Variants in PTPRG observed in about 807,000 individuals in gnomAD.
PTPRG encodes receptor-type tyrosine-protein phosphatase gamma.
Under a neutral mutation model 165.3 loss-of-function variants are expected in PTPRG, and 102 were observed. That is an observed-to-expected ratio of 0.62 (90% confidence interval 0.53 to 0.73). The LOEUF (loss-of-function observed/expected upper bound fraction) is 0.73, where lower values mean the gene tolerates loss of function less well. PTPRG is among the 30% of genes least tolerant of loss of function. The pLI is 0.00. For synonymous variants in PTPRG, 675 were observed against 669.5 expected, an observed-to-expected ratio of 1.01 and a Z score of -0.13; for missense variants, 1,866 against 1,861.4, an observed-to-expected ratio of 1.00 and a Z score of -0.05.
At chr3:61,967,660 C>G (rs2040300780) in intron 2 of PTPRG, among the ~76,000 whole-genome samples, 2 of 152,236 alleles carry the variant, frequency 1.3e-5, no homozygotes, top group South Asian at 4.2e-4. Context: ...TGACATTCTT[C>G]CAAATTTAGT....
intron 1 of PTPRG, among the ~76,000 whole-genome samples, chr3:61,746,814 A>G (rs2033225132): frequency 1.3e-5 from 2 of 152,174 alleles, no homozygotes; most frequent in East Asian, 1.9e-4. Flanking sequence ...TGGTTATTAC[A>G]AAACAGATCC....
At chr3:62,031,837 C>A (rs1420553000) in intron 4 of PTPRG, among the ~76,000 whole-genome samples, 1 of 151,988 alleles carries the variant, frequency 6.6e-6, no homozygotes. Flanking sequence ...GCAACTAGGT[C>A]CAAAGGCAGT....
chr3:61,762,007 C>G (rs1314542312), intron 2 of PTPRG, among the ~76,000 whole-genome samples: 1 of 151,676 alleles, frequency 6.6e-6, no homozygotes, highest in African/African-American at 2.4e-5. Context: ...GAGATTTTAG[C>G]AGGAAAATGA....
chr3:61,652,491 T>C (rs62244390), intron 1 of PTPRG, among the ~76,000 whole-genome samples: 240 of 152,280 alleles, frequency 1.6e-3, no homozygotes, highest in Non-Finnish European at 1.7e-3. Context: ...CTTGTTGAGC[T>C]CTTTCTTTGG....
intron 2 of PTPRG, among the ~76,000 whole-genome samples, chr3:61,905,018 T>G (rs188472275): frequency 6.6e-6 from 1 of 152,024 alleles, no homozygotes; most frequent in Non-Finnish European, 1.5e-5. Flanking sequence ...AGGCTTTTTT[T>G]CCCCCAGTCC....
chr3:61,647,791 C>CAAAAAAAAAAAAAAAAAA (rs58020589), intron 1 of PTPRG, among the ~76,000 whole-genome samples: 6 of 93,174 alleles, frequency 6.4e-5, no homozygotes, highest in African/African-American at 2.6e-4. Context: ...GACTCCGTCT[C>CAAAAAAAAAAAAAAAAAA]AAAAAAAAAA....
intron 8 of PTPRG, among the ~76,000 whole-genome samples, chr3:62,170,786 T>G (rs9816295): frequency 0.16 from 23,698 of 152,124 alleles, 2,279 homozygotes; most frequent in African/African-American, 0.27. Flanking sequence ...TGTGTTTAAC[T>G]TATTATTGGA....
At chr3:61,958,937 A>G (rs2040092443) in intron 2 of PTPRG, among the ~76,000 whole-genome samples, 1 of 152,196 alleles carries the variant, frequency 6.6e-6, no homozygotes, top group Non-Finnish European at 1.5e-5. Context: ...GCTGGGCAGT[A>G]CATCTAGCCA....
chr3:61,848,692 G>T (rs2036874430), intron 2 of PTPRG, among the ~76,000 whole-genome samples: 1 of 152,020 alleles, frequency 6.6e-6, no homozygotes, highest in African/African-American at 2.4e-5. Flanking sequence ...TCCCTAAATT[G>T]CTCAGTATAC....
intron 24 of PTPRG, 161 bp from the exon 25 acceptor site, chr3:62,276,811 T>G (rs947596295): frequency 3.4e-6 from 2 of 593,208 alleles, no homozygotes; most frequent in African/African-American, 1.9e-5. Flanking sequence ...TTTTACATTC[T>G]GCCTCAGCTG....
intron 1 of PTPRG, among the ~76,000 whole-genome samples, chr3:61,665,993 T>C (rs1702803188): frequency 6.6e-6 from 1 of 152,096 alleles, no homozygotes; most frequent in African/African-American, 2.4e-5. Flanking sequence ...TTTTTTTTTT[T>C]TTTTGGCCAA....
At chr3:61,562,670 G>C (rs999680816) in intron 1 of PTPRG, among the ~76,000 whole-genome samples, 6 of 151,986 alleles carry the variant, frequency 3.9e-5, no homozygotes, top group African/African-American at 1.4e-4. Flanking sequence ...GGAGAAAGGG[G>C]GACTTGCTTT....
At chr3:61,989,545 G>A in intron 2 of PTPRG, 80 bp from the exon 3 acceptor site, 1 of 1,381,232 alleles carries the variant, frequency 7.2e-7, no homozygotes, top group Non-Finnish European at 9.9e-7. Flanking sequence ...GAGAGATGCA[G>A]TGCTCAGCTT....
chr3:61,919,516 G>A (rs1319833597), intron 2 of PTPRG, among the ~76,000 whole-genome samples: 1 of 152,160 alleles, frequency 6.6e-6, no homozygotes, highest in African/African-American at 2.4e-5. Flanking sequence ...CCTACTTAAT[G>A]ATGAGCATGA....
intron 28 of PTPRG, among the ~76,000 whole-genome samples, chr3:62,286,367 GAAGCTGCA>G (rs1702659906): frequency 6.6e-6 from 1 of 152,044 alleles, no homozygotes; most frequent in Non-Finnish European, 1.5e-5. Flanking sequence ...ATTTCAAAAG[GAAGCTGCA>G]TTTCTTCACA....
intron 13 of PTPRG, among the ~76,000 whole-genome samples, chr3:62,220,350 A>AGAG (rs1399541780): frequency 6.6e-6 from 1 of 152,222 alleles, no homozygotes; most frequent in African/African-American, 2.4e-5. Flanking sequence ...TACAGACTGA[A>AGAG]GAGGAGCAGG....
intron 2 of PTPRG, among the ~76,000 whole-genome samples, chr3:61,893,522 A>G (rs1470738557): frequency 6.6e-6 from 1 of 152,220 alleles, no homozygotes; most frequent in Admixed American, 6.5e-5. Flanking sequence ...GGTAGTCTTA[A>G]CCGCTATGGC....
intron 4 of PTPRG, among the ~76,000 whole-genome samples, chr3:62,022,870 A>G (rs1049992872): frequency 3.3e-5 from 5 of 152,220 alleles, no homozygotes; most frequent in Admixed American, 2.0e-4. Flanking sequence ...ATTTTACTAA[A>G]TAAAAATTGG....
chr3:62,200,732 A>T (rs1407389419), intron 10 of PTPRG, among the ~76,000 whole-genome samples: 1 of 152,236 alleles, frequency 6.6e-6, no homozygotes. Flanking sequence ...AAATCATTAG[A>T]CCATTTAAAA....
Sources: allele counts gnomAD v4.1 joint callset (sites outside exome capture counted in the v4.1 genomes callset), GRCh38; gene constraint gnomAD v4.1.1; transcripts MANE v1.5; gene names NCBI Gene and HGNC (gene_info 2026-07-23, HGNC 2026-07-21).